PDZRN4: variants seen among roughly 807,000 people sequenced by gnomAD.
The protein encoded by PDZRN4 is PDZ domain containing ring finger 4.
A neutral mutation model predicts 99.0 loss-of-function variants in PDZRN4; 70 were observed. The ratio of observed to expected loss-of-function variants is 0.71; its 90% CI spans 0.58 to 0.86. The LOEUF (loss-of-function observed/expected upper bound fraction) is 0.86. PDZRN4 is among the 40% of genes least tolerant of loss of function. The pLI is 0.00. For missense variants in PDZRN4, 1,474 were observed against 1,331.2 expected (o/e 1.11, Z -1.67); for synonymous variants, 551 against 501.6 (o/e 1.10, Z -1.32).
chr12:41,226,726 C>G (rs7304777), intron 3 of PDZRN4, among the ~76,000 whole-genome samples: 14,934 of 152,060 alleles, frequency 0.098, 1,344 homozygotes, highest in African/African-American at 0.23. Context: ...TGTATTTCAA[C>G]GTATTGCACC....
At chr12:41,472,066 G>A (rs556293849) in intron 3 of PDZRN4, among the ~76,000 whole-genome samples, 41 of 150,016 alleles carry the variant, frequency 2.7e-4, no homozygotes, top group Admixed American at 1.1e-3. Flanking sequence ...GCAGTGGCAC[G>A]TCTCGGCTCA....
intron 3 of PDZRN4, among the ~76,000 whole-genome samples, chr12:41,438,804 T>A (rs1952653572): frequency 6.6e-6 from 1 of 152,186 alleles, no homozygotes; most frequent in Admixed American, 6.5e-5. Flanking sequence ...TTGGGGGAGG[T>A]TCCCCTGGGA....
intron 3 of PDZRN4, among the ~76,000 whole-genome samples, chr12:41,234,984 A>T (rs989842797): frequency 6.6e-6 from 1 of 152,010 alleles, no homozygotes; most frequent in African/African-American, 2.4e-5. Flanking sequence ...TGTGTAAATG[A>T]CCCCACTAAC....
intron 5 of PDZRN4, among the ~76,000 whole-genome samples, chr12:41,515,252 A>C (rs1016523562): frequency 6.6e-6 from 1 of 152,094 alleles, no homozygotes; most frequent in Non-Finnish European, 1.5e-5. Flanking sequence ...CTGTATGTTG[A>C]AGTAGATAAA....
intron 3 of PDZRN4, chr12:41,409,590 C>T (rs1043484865): frequency 6.6e-6 from 1 of 152,134 alleles, no homozygotes; most frequent in African/African-American, 2.4e-5. Context: ...GAAATACCAA[C>T]GTATGAAAGT....
intron 3 of PDZRN4, among the ~76,000 whole-genome samples, chr12:41,383,878 C>A (rs987173342): frequency 2.0e-5 from 3 of 151,250 alleles, no homozygotes; most frequent in African/African-American, 7.3e-5. Context: ...TGTCTTCAAA[C>A]TACCTCCTTG....
intron 3 of PDZRN4, among the ~76,000 whole-genome samples, chr12:41,494,809 A>G (rs772840844): frequency 6.6e-6 from 1 of 152,142 alleles, no homozygotes; most frequent in Non-Finnish European, 1.5e-5. Flanking sequence ...GACAAGTGTC[A>G]GGCTGCATTC....
chr12:41,468,558 C>T (rs1041856237), intron 3 of PDZRN4, among the ~76,000 whole-genome samples: 1 of 152,218 alleles, frequency 6.6e-6, no homozygotes, highest in African/African-American at 2.4e-5. Flanking sequence ...TTTGCTTACT[C>T]GCATTCATCC....
intron 5 of PDZRN4, among the ~76,000 whole-genome samples, chr12:41,523,586 G>T (rs1938526586): frequency 6.6e-6 from 1 of 152,048 alleles, no homozygotes; most frequent in East Asian, 1.9e-4. Context: ...AACACAGGGG[G>T]CAACAACATG....
chr12:41,565,021 C>A (rs1043305465), intron 8 of PDZRN4, among the ~76,000 whole-genome samples: 2 of 152,122 alleles, frequency 1.3e-5, no homozygotes, highest in African/African-American at 4.8e-5. Flanking sequence ...TTAAACTATG[C>A]CACATAGTGG....
chr12:41,495,827 AC>A (rs984664833), intron 3 of PDZRN4, among the ~76,000 whole-genome samples: 2 of 152,096 alleles, frequency 1.3e-5, no homozygotes, highest in African/African-American at 4.8e-5. Context: ...TCATGCCTCA[AC>A]CCTGGGGTTC....
intron 3 of PDZRN4, among the ~76,000 whole-genome samples, chr12:41,238,714 A>C (rs1591980442): frequency 6.0e-5 from 1 of 16,578 alleles, no homozygotes. Context: ...TTATTAAAAA[A>C]TAAAAAATAA....
At chr12:41,373,262 C>T (rs997068099) in intron 3 of PDZRN4, among the ~76,000 whole-genome samples, 4 of 152,098 alleles carry the variant, frequency 2.6e-5, no homozygotes, top group African/African-American at 9.7e-5. Context: ...TTGATAGCAT[C>T]TTATCAAGAG....
At chr12:41,500,133 G>T (rs1437701326) in intron 3 of PDZRN4, among the ~76,000 whole-genome samples, 1 of 151,882 alleles carries the variant, frequency 6.6e-6, no homozygotes, top group Non-Finnish European at 1.5e-5. Flanking sequence ...TTCAACAGAG[G>T]GATCCCACCC....
chr12:41,565,674 A>G (rs1939356967), intron 8 of PDZRN4, among the ~76,000 whole-genome samples: 1 of 152,090 alleles, frequency 6.6e-6, no homozygotes, highest in African/African-American at 2.4e-5. Context: ...ACATCTGTGC[A>G]ATATTTTTAA....
At position 41,573,983 on chromosome 12, in the gene PDZRN4, A is replaced by C; in HGVS notation, c.*93A>C. On this transcript the variant is annotated 3_prime_UTR_variant, in exon 10 of 10. Transcript: ENST00000402685. ...CTCGTTCAATGTGGCGTTTTTATATATATTTTGTGACTCTTTATAGTTTAA... is the reference window on the plus strand; with the variant it reads ...CTCGTTCAATGTGGCGTTTTTATATCTATTTTGTGACTCTTTATAGTTTAA... The C allele has an allele frequency of 1.1e-6, 1 of 870,986 alleles. No homozygotes were observed. Among genetic ancestry groups the C allele is most frequent in the Admixed American group, 3.0e-5 (1 of 33,330 alleles). 54.0% of individuals were successfully genotyped at this position (870,986 alleles called of 1,614,324 possible).
At chr12:41,278,698 C>G (rs906546723) in intron 3 of PDZRN4, among the ~76,000 whole-genome samples, 2 of 152,138 alleles carry the variant, frequency 1.3e-5, no homozygotes, top group African/African-American at 4.8e-5. Context: ...CTTGAAAGTC[C>G]TTTTACTCAA....
At chr12:41,508,834 G>A (rs1373621512) in intron 4 of PDZRN4, among the ~76,000 whole-genome samples, 1 of 152,064 alleles carries the variant, frequency 6.6e-6, no homozygotes, top group Non-Finnish European at 1.5e-5. Context: ...TTTCAACAAG[G>A]GAGAAGGGAA....
intron 3 of PDZRN4, among the ~76,000 whole-genome samples, chr12:41,426,493 G>A (rs1370701605): frequency 6.6e-6 from 1 of 152,184 alleles, no homozygotes; most frequent in Non-Finnish European, 1.5e-5. Context: ...CTCATGGGAA[G>A]AGTATATCTT....
Sources: gnomAD v4.1 joint callset for allele counts (sites outside exome capture counted in the v4.1 genomes callset) on GRCh38, gnomAD v4.1.1 for gene constraint, MANE v1.5 for transcripts, NCBI Gene and HGNC (gene_info 2026-07-23, HGNC 2026-07-21) for gene names.